The following STAB2 variants were observed in gnomAD, a reference collection of about 807,000 sequenced individuals.
STAB2 encodes stabilin-2.
Under a neutral mutation model 338.1 loss-of-function variants are expected in STAB2, and 288 were observed. The ratio of observed to expected loss-of-function variants is 0.85; its 90% CI spans 0.77 to 0.94. STAB2 has a LOEUF of 0.94. Among genes scored for constraint, STAB2 ranks in the 40% least tolerant of loss-of-function variants. The probability of loss-of-function intolerance (pLI) is 0.00; values close to 1 mark genes in which losing one functional copy is unlikely to be tolerated. For missense variants in STAB2, 3,141 were observed against 3,210.1 expected (o/e 0.98, Z 0.52); for synonymous variants, 1,202 against 1,193.3 (o/e 1.01, Z -0.15).
At chr12:103,697,027 T>C (rs185976904) in intron 33 of STAB2, among the ~76,000 whole-genome samples, 134 of 152,286 alleles carry the variant, frequency 8.8e-4, no homozygotes, top group African/African-American at 2.9e-3. Flanking sequence ...TAGGGATTTT[T>C]CTTATTTAAT....
chr12:103,672,393 G>A (rs1875888662), intron 22 of STAB2, among the ~76,000 whole-genome samples: 1 of 152,196 alleles, frequency 6.6e-6, no homozygotes, highest in South Asian at 2.1e-4. Context: ...GGGATGGGGC[G>A]GTGGCCTTCC....
rs140225299 is a variant in STAB2 at position 103,689,189 on chromosome 12, A to T, written c.3046-657A>T. ...CATCCTTACTTCAAAGACGTCCAAG[A>T]ATACTCAAGGTGGCTGGGCGCAGTG... On this transcript the variant is annotated intron_variant, in intron 28 of 68. Coordinates refer to ENST00000388887, the MANE Select transcript of STAB2 (RefSeq NM_017564.10). Among the ~76,000 whole-genome samples the T allele has an allele frequency of 5.6e-3, 853 of 152,248 alleles. 5 individuals are homozygous for T. The highest frequency in any genetic ancestry group is 8.3e-3 in the Non-Finnish European group (566 of 68,010).
At chr12:103,597,325 T>C (rs1221107320) in intron 3 of STAB2, among the ~76,000 whole-genome samples, 1 of 152,234 alleles carries the variant, frequency 6.6e-6, no homozygotes, top group East Asian at 1.9e-4. Context: ...AGGAAGCACA[T>C]TCCCAAGCTC....
rs1363753005 is a variant in STAB2 at position 103,683,286 on chromosome 12, A to T, written c.2887A>T (p.Lys963Ter). Reference sequence around the variant, plus strand: ...AACTTCATGCTTGGAACAAACCGGGAAATGTCATCCATTGGTGAGTTATTT... The same window carrying T: ...AACTTCATGCTTGGAACAAACCGGGTAATGTCATCCATTGGTGAGTTATTT... Reference protein sequence around the residue: ...PITSCLEQTGKCHPLASCQST... With the variant: ...PITSCLEQTG Residue 963 changes from lysine (K) to a stop codon, truncating the protein, a stop_gained, in exon 26 of 69, where the codon AAA (lysine) becomes TAA (stop). Coordinates refer to ENST00000388887, the MANE Select transcript of STAB2 (RefSeq NM_017564.10). LOFTEE classifies it high-confidence loss of function. 1 of 1,610,110 alleles carries T rather than the reference A, an allele frequency of 6.2e-7. No individual in the cohort carries two copies. The highest frequency in any genetic ancestry group is 8.5e-7 in the Non-Finnish European group (1 of 1,178,124).
intron 23 of STAB2, among the ~76,000 whole-genome samples, chr12:103,674,894 G>A (rs998327779): frequency 1.3e-5 from 2 of 152,146 alleles, no homozygotes; most frequent in African/African-American, 4.8e-5. Flanking sequence ...TTGTACAATA[G>A]AAATGCCTTT....
intron 26 of STAB2, 30 bp downstream of exon 26, chr12:103,683,330 TTA>T: frequency 7.1e-7 from 1 of 1,418,290 alleles, no homozygotes; most frequent in Non-Finnish European, 9.6e-7. Context: ...TTTTCATTAC[TTA>T]AAAAAAAAAA....
At chr12:103,632,584 A>G (rs1460105937) in intron 6 of STAB2, among the ~76,000 whole-genome samples, 4 of 152,120 alleles carry the variant, frequency 2.6e-5, no homozygotes, top group Non-Finnish European at 5.9e-5. Flanking sequence ...CTATGTCGAG[A>G]GGGCTGTGGG....
chr12:103,761,549 G>T, intron 66 of STAB2, 139 bp downstream of exon 66: 1 of 713,444 alleles, frequency 1.4e-6, no homozygotes. Context: ...CAACCTCCAA[G>T]GTAGCTGGCC....
intron 18 of STAB2, among the ~76,000 whole-genome samples, chr12:103,665,003 C>T (rs1874951065): frequency 6.6e-6 from 1 of 152,222 alleles, no homozygotes; most frequent in Non-Finnish European, 1.5e-5. Context: ...TATTCTCCAC[C>T]TCCCTAAAGA....
intron 6 of STAB2, among the ~76,000 whole-genome samples, chr12:103,635,331 A>G (rs529851085): frequency 2.6e-5 from 4 of 152,336 alleles, no homozygotes; most frequent in East Asian, 3.9e-4. Context: ...GTGAAGCCTT[A>G]TCAATGAAGA....
Position 103,713,663 on chromosome 12 carries a change from A to G in STAB2, c.4432A>G (p.Ser1478Gly), listed in dbSNP as rs1481622365. Residue 1478 changes from serine to glycine, a missense_variant, in exon 42 of 69, where the codon AGC becomes GGC. Coordinates refer to ENST00000388887, the MANE Select transcript of STAB2 (RefSeq NM_017564.10). The part of the protein sequence containing the change: ...ICTAINACEI[S>G]NGGCSAKADC... Reference sequence around the variant, plus strand: ...TATAGCAATCAATGCCTGTGAGATCAGCAATGGAGGTTGCTCTGCCAAGGC... The same window carrying G: ...TATAGCAATCAATGCCTGTGAGATCGGCAATGGAGGTTGCTCTGCCAAGGC... The G allele has an allele frequency of 2.5e-6, 4 of 1,613,944 alleles. No individual in the cohort carries two copies. The highest frequency in any genetic ancestry group is 1.6e-4 in the Middle Eastern group (1 of 6,082).
At chr12:103,712,330 T>C in intron 40 of STAB2, 37 bp from the exon 41 acceptor site, 2 of 1,554,470 alleles carry the variant, frequency 1.3e-6, no homozygotes, top group Non-Finnish European at 1.8e-6. Flanking sequence ...AGGTGGAGTA[T>C]TTTTCTACAA....
chr12:103,750,525 TC>T, intron 59 of STAB2, 53 bp from the exon 60 acceptor site: 1 of 1,601,106 alleles, frequency 6.2e-7, no homozygotes, highest in East Asian at 2.2e-5. Context: ...CACTTGGGCA[TC>T]CTGGGGTCCT....
intron 3 of STAB2, among the ~76,000 whole-genome samples, chr12:103,611,779 C>CA: frequency 3.3e-5 from 5 of 152,138 alleles, no homozygotes; most frequent in African/African-American, 1.2e-4. Context: ...TTCTTCCTAG[C>CA]CTCGATGGTC....
Position 103,753,305 on chromosome 12 carries a change from C to A in STAB2, c.6666C>A (p.Asn2222Lys), listed in dbSNP as rs139125034. Residue 2222 changes from asparagine to lysine, a missense_variant, in exon 61 of 69, where the codon AAC (asparagine) becomes AAA (lysine). Asn to Lys is a moderately conservative substitution (Grantham distance 94, BLOSUM62 0). Coordinates refer to ENST00000388887, the MANE Select transcript of STAB2 (RefSeq NM_017564.10). ...TFDKAREACA[N>K]EAATMATYNQ... ...ACAAAGCCAGAGAGGCCTGTGCCAA[C>A]GAAGCTGCGACCATGGCAACCTACA... The A allele has an allele frequency of 5.7e-5, 92 of 1,614,100 alleles. No homozygotes were observed. Among genetic ancestry groups the A allele is most frequent in the Non-Finnish European group, 1.1e-5 (13 of 1,180,034 alleles).
intron 1 of STAB2, among the ~76,000 whole-genome samples, chr12:103,589,201 T>C (rs1956759756): frequency 6.6e-6 from 1 of 152,356 alleles, no homozygotes; most frequent in Non-Finnish European, 1.5e-5. Context: ...GCAGGCTTTA[T>C]ATATTTCAAT....
At chr12:103,661,919 C>G (rs903784067) in intron 17 of STAB2, among the ~76,000 whole-genome samples, 15 of 152,014 alleles carry the variant, frequency 9.9e-5, no homozygotes, top group African/African-American at 3.4e-4. Flanking sequence ...CATGCATGGC[C>G]TAAGAAGTCA....
chr12:103,757,937 G>C, intron 63 of STAB2: 1 of 566,950 alleles, frequency 1.8e-6, no homozygotes, highest in Non-Finnish European at 3.1e-6. Context: ...AAGCAGCCAC[G>C]TGGAGGATGG....
At chr12:103,719,007 C>T in intron 44 of STAB2, among the ~76,000 whole-genome samples, 1 of 152,196 alleles carries the variant, frequency 6.6e-6, no homozygotes, top group Non-Finnish European at 1.5e-5. Flanking sequence ...TTCTGATTTT[C>T]TTATAACCCT....
Sources: allele counts gnomAD v4.1 joint callset (sites outside exome capture counted in the v4.1 genomes callset), GRCh38; gene constraint gnomAD v4.1.1; transcripts MANE v1.5; gene names NCBI Gene and HGNC (gene_info 2026-07-23, HGNC 2026-07-21).